The following TASOR variants were observed in gnomAD, a reference collection of about 807,000 sequenced individuals.
TASOR encodes the protein protein TASOR.
In TASOR, 53 loss-of-function variants were observed where a neutral mutation model predicts 178.6. That is an observed-to-expected ratio of 0.30 (90% CI 0.24 to 0.37). The LOEUF is 0.37. TASOR is among the 10% of genes least tolerant of loss of function. TASOR has a pLI of 1.00. For synonymous variants in TASOR, 713 were observed against 696.2 expected, an observed-to-expected ratio of 1.02 and a Z score of -0.38; for missense variants, 1,815 against 1,971.4, an observed-to-expected ratio of 0.92 and a Z score of 1.50.
chr3:56,646,409 A>G, intron 14 of TASOR, 113 bp downstream of exon 14: 1 of 819,644 alleles, frequency 1.2e-6, no homozygotes, highest in Non-Finnish European at 1.9e-6. Flanking sequence ...CTTTACAAAA[A>G]TAGTGGACAG....
intron 1 of TASOR, among the ~76,000 whole-genome samples, chr3:56,676,618 T>C (rs976621036): frequency 3.3e-5 from 5 of 152,196 alleles, no homozygotes; most frequent in African/African-American, 7.2e-5. Flanking sequence ...ACTTCAGATA[T>C]ATAAAATGTA....
chr3:56,668,784 G>C (rs541440653), intron 5 of TASOR, among the ~76,000 whole-genome samples: 2 of 152,106 alleles, frequency 1.3e-5, no homozygotes, highest in African/African-American at 4.8e-5. Flanking sequence ...GACCAGCCTG[G>C]CCAACATGGC....
At chr3:56,670,036 G>A (rs1265750348) in intron 4 of TASOR, 37 bp downstream of exon 4, 5 of 1,288,480 alleles carry the variant, frequency 3.9e-6, no homozygotes, top group Non-Finnish European at 5.4e-6. Context: ...CAGCAACTTA[G>A]TAGTAGATAT....
intron 11 of TASOR, among the ~76,000 whole-genome samples, chr3:56,652,820 A>C (rs564007693): frequency 2.0e-5 from 3 of 152,222 alleles, no homozygotes; most frequent in Non-Finnish European, 4.4e-5. Context: ...TAAATAAATA[A>C]AGCAACAAAT....
chr3:56,633,000 A>G, intron 18 of TASOR, 44 bp downstream of exon 18: 1 of 1,423,850 alleles, frequency 7.0e-7, no homozygotes, highest in Non-Finnish European at 9.4e-7. Context: ...CACACCAACA[A>G]GAGAAGTTTG....
chr3:56,668,081 A>G (rs1013811302), intron 6 of TASOR, among the ~76,000 whole-genome samples: 1 of 152,206 alleles, frequency 6.6e-6, no homozygotes, highest in African/African-American at 2.4e-5. Flanking sequence ...GGAAATGCCA[A>G]GGTTTCAAAA....
intron 1 of TASOR, among the ~76,000 whole-genome samples, chr3:56,676,724 C>T (rs182336167): frequency 2.0e-3 from 312 of 152,270 alleles, no homozygotes; most frequent in Admixed American, 3.4e-3. Context: ...ACAATTTCTA[C>T]CATTAATCTA....
chr3:56,678,242 C>T (rs367922536), intron 1 of TASOR, among the ~76,000 whole-genome samples: 12 of 131,498 alleles, frequency 9.1e-5, no homozygotes, highest in East Asian at 4.7e-4. Flanking sequence ...AGTGCAGTGG[C>T]GCGATCTTGG....
intron 1 of TASOR, among the ~76,000 whole-genome samples, 199 bp from the exon 2 acceptor site, chr3:56,673,924 C>A (rs1302990948): frequency 6.6e-6 from 1 of 152,100 alleles, no homozygotes; most frequent in Non-Finnish European, 1.5e-5. Flanking sequence ...TACACCAGTT[C>A]CTTCAACAAT....
chr3:56,646,667 A>G lies in TASOR; in HGVS notation c.2070T>C (p.Cys690=), dbSNP rs1205102933. Residue 690 remains cysteine (C), a synonymous_variant, in exon 14 of 24, where the codon TGT becomes TGC. Coordinates refer to ENST00000683822, the MANE Select transcript of TASOR (RefSeq NM_001365635.2). ...RVKELINLIQ[C]RKKSVGGDSD... is the part of the protein sequence containing the mutation. ...AGTCCCCACCCACACTCTTTTTCCT[A>G]CACTGAATTAAATTAATCAATTCTT... 24 of 1,613,644 alleles carry G rather than the reference A, an allele frequency of 1.5e-5. No individual in the cohort carries two copies. Among genetic ancestry groups the G allele is most frequent in the Middle Eastern group, 3.3e-4 (2 of 6,084 alleles).
chr3:56,667,768 C>A (rs1410085967), intron 6 of TASOR, among the ~76,000 whole-genome samples: 1 of 152,184 alleles, frequency 6.6e-6, no homozygotes, highest in African/African-American at 2.4e-5. Flanking sequence ...AGACCCCCAT[C>A]TCTATTTAAA....
In TASOR at chr3:56,682,874, C is replaced by T. The variant is rs1391834086; in HGVS notation, c.133G>A (p.Gly45Ser). ...ESSQQNGGGG[G>S]LNIAEPSGGA... Reference sequence around the variant, plus strand: ...CCGCTGGGCTCAGCGATGTTGAGGCCGCCGCCGCCGCCATTTTGTTGGGAG... The same window carrying T: ...CCGCTGGGCTCAGCGATGTTGAGGCTGCCGCCGCCGCCATTTTGTTGGGAG... The change falls in exon 1 of 24, where the codon GGC becomes AGC. Residue 45 changes from glycine (G) to serine (S), a missense_variant. Coordinates refer to ENST00000683822, the MANE Select transcript of TASOR (RefSeq NM_001365635.2). 2 of 1,542,958 alleles carry T rather than the reference C, an allele frequency of 1.3e-6. No individual in the cohort carries two copies. Among genetic ancestry groups the T allele is most frequent in the African/African-American group, 1.4e-5 (1 of 72,660 alleles).
At chr3:56,662,130 C>CA (rs766914234) in intron 9 of TASOR, among the ~76,000 whole-genome samples, 1,499 of 88,442 alleles carry the variant, frequency 0.017, 18 homozygotes, top group Middle Eastern at 0.09. Flanking sequence ...AACTCCGTCT[C>CA]AAAAAAAAAA....
At chr3:56,682,068 T>TTA (rs1479856128) in intron 1 of TASOR, among the ~76,000 whole-genome samples, 4 of 152,240 alleles carry the variant, frequency 2.6e-5, no homozygotes, top group African/African-American at 9.6e-5. Context: ...AAAAACCTAT[T>TTA]TAATCTAACG....
intron 18 of TASOR, chr3:56,628,841 G>T: frequency 3.5e-6 from 1 of 289,058 alleles, no homozygotes; most frequent in African/African-American, 2.2e-5. Context: ...GCTCACTGCA[G>T]CCTTGACCTC....
chr3:56,638,578 T>C (rs1476725038), intron 17 of TASOR, 128 bp downstream of exon 17: 12 of 751,226 alleles, frequency 1.6e-5, no homozygotes, highest in African/African-American at 7.0e-5. Context: ...TAAATAAATA[T>C]GGTACTGTCC....
intron 18 of TASOR, among the ~76,000 whole-genome samples, chr3:56,631,910 CTAAAA>C (rs1316751147): frequency 2.0e-5 from 3 of 152,084 alleles, no homozygotes; most frequent in Admixed American, 6.5e-5. Context: ...AACCAACTAT[CTAAAA>C]TATTAGTCTG....
chr3:56,627,982 AAC>A (rs767447827), intron 19 of TASOR, among the ~76,000 whole-genome samples: 2 of 152,196 alleles, frequency 1.3e-5, no homozygotes, highest in Non-Finnish European at 2.9e-5. Context: ...TAGACCTGAA[AAC>A]ACAAAATGGA....
intron 11 of TASOR, among the ~76,000 whole-genome samples, chr3:56,656,958 C>T (rs1360207414): frequency 4.0e-5 from 6 of 150,540 alleles, no homozygotes; most frequent in South Asian, 2.1e-4. Flanking sequence ...TGCGGTGAGC[C>T]GAGATTGCAC....
Sources: gnomAD v4.1 joint callset for allele counts (sites outside exome capture counted in the v4.1 genomes callset) on GRCh38, gnomAD v4.1.1 for gene constraint, MANE v1.5 for transcripts, NCBI Gene and HGNC (gene_info 2026-07-23, HGNC 2026-07-21) for gene names.